The following PPARGC1A variants were observed in gnomAD, a reference collection of about 807,000 sequenced individuals.
PPARGC1A encodes PPARG coactivator 1 alpha.
PPARGC1A carries 25 observed loss-of-function variants against 88.7 expected under a neutral mutation model. The ratio of observed to expected loss-of-function variants is 0.28; its 90% confidence interval spans 0.21 to 0.39. PPARGC1A has a LOEUF of 0.39. PPARGC1A is among the 10% of genes least tolerant of loss of function. PPARGC1A has a pLI of 1.00. For synonymous variants in PPARGC1A, 363 were observed against 355.6 expected (o/e 1.02, Z -0.24); for missense variants, 880 against 968.7 (o/e 0.91, Z 1.22).
the PPARGC1A span, among the ~76,000 whole-genome samples, chr4:24,248,517 T>C: frequency 1.3e-5 from 2 of 152,004 alleles, no homozygotes; most frequent in Non-Finnish European, 2.9e-5. Flanking sequence ...TCAGCAAGCT[T>C]TGTGCAAATT....
chr4:23,844,653 G>GAT (rs1463928599), intron 2 of PPARGC1A, among the ~76,000 whole-genome samples: 1 of 46,228 alleles, frequency 2.2e-5, no homozygotes, highest in African/African-American at 1.0e-4. Flanking sequence ...CATATTATAT[G>GAT]ATATATATCA....
At chr4:24,338,648 C>T in the PPARGC1A span, among the ~76,000 whole-genome samples, 158 of 152,234 alleles carry the variant, frequency 1.0e-3, no homozygotes, top group Non-Finnish European at 1.7e-3. Context: ...AAATTCCAAC[C>T]TCAACTATGC....
intron 7 of PPARGC1A, 138 bp from the exon 8 acceptor site, chr4:23,814,743 A>G: frequency 1.2e-6 from 1 of 834,896 alleles, no homozygotes; most frequent in Non-Finnish European, 1.8e-6. Flanking sequence ...AAGAAGAAGG[A>G]AACTAATTTC....
At chr4:23,851,800 A>G (rs1729344866) in intron 2 of PPARGC1A, among the ~76,000 whole-genome samples, 1 of 152,190 alleles carries the variant, frequency 6.6e-6, no homozygotes, top group Non-Finnish European at 1.5e-5. Context: ...CTCTCTCTTC[A>G]AACTTTTGCT....
upstream of PPARGC1A, among the ~76,000 whole-genome samples, chr4:23,908,336 T>C (rs1246212510): frequency 6.6e-6 from 1 of 152,226 alleles, no homozygotes; most frequent in Non-Finnish European, 1.5e-5. Flanking sequence ...AGAGCACTTA[T>C]ATGTACTGAA....
At chr4:24,382,233 T>C in the PPARGC1A span, among the ~76,000 whole-genome samples, 2 of 152,308 alleles carry the variant, frequency 1.3e-5, no homozygotes, top group East Asian at 3.9e-4. Flanking sequence ...ACTAATTGCA[T>C]GAAACAAAGC....
the PPARGC1A span, among the ~76,000 whole-genome samples, chr4:24,176,607 T>C: frequency 3.3e-5 from 5 of 152,060 alleles, no homozygotes; most frequent in Admixed American, 2.0e-4. Flanking sequence ...AGCCCTGGAG[T>C]GTGAAGAGCC....
At chr4:24,304,751 A>G in the PPARGC1A span, among the ~76,000 whole-genome samples, 2 of 152,300 alleles carry the variant, frequency 1.3e-5, no homozygotes, top group African/African-American at 4.8e-5. Flanking sequence ...ACAGGAGCAG[A>G]CTGAAACTAT....
chr4:24,413,941 C>T, the PPARGC1A span, among the ~76,000 whole-genome samples: 36 of 152,224 alleles, frequency 2.4e-4, no homozygotes, highest in African/African-American at 8.4e-4. Context: ...AGAAATACTA[C>T]CGGGATTTTG....
intron 1 of PPARGC1A, among the ~76,000 whole-genome samples, chr4:23,887,861 AG>A (rs1027663620): frequency 2.4e-4 from 37 of 152,094 alleles, no homozygotes; most frequent in African/African-American, 8.4e-4. Flanking sequence ...GGGTGGAGAG[AG>A]GGGCAGTAAA....
At chr4:24,212,952 C>T in the PPARGC1A span, among the ~76,000 whole-genome samples, 2 of 152,156 alleles carry the variant, frequency 1.3e-5, no homozygotes, top group African/African-American at 2.4e-5. Flanking sequence ...TCCAGGACAG[C>T]AGTGATTAGA....
At chr4:24,347,192 C>T in the PPARGC1A span, among the ~76,000 whole-genome samples, 31 of 152,020 alleles carry the variant, frequency 2.0e-4, no homozygotes, top group Admixed American at 1.6e-3. Context: ...ATCTTATGTT[C>T]TATTTTGGAG....
At chr4:23,903,397 T>TG (rs1425628659), upstream of PPARGC1A, among the ~76,000 whole-genome samples, 6 of 152,322 alleles carry the variant, frequency 3.9e-5, no homozygotes, top group East Asian at 1.2e-3. Flanking sequence ...TAAATGGAGA[T>TG]GCATGGCATT....
At chr4:24,315,650 C>A in the PPARGC1A span, among the ~76,000 whole-genome samples, 3 of 152,164 alleles carry the variant, frequency 2.0e-5, no homozygotes, top group Non-Finnish European at 4.4e-5. Context: ...TTAGCAATAT[C>A]TAGAGATCTT....
At chr4:24,001,307 C>T in the PPARGC1A span, among the ~76,000 whole-genome samples, 5 of 152,278 alleles carry the variant, frequency 3.3e-5, no homozygotes, top group African/African-American at 1.2e-4. Context: ...CAAGATGCAC[C>T]TTTATTTTTC....
At chr4:23,827,205 G>GA (rs1250547786) in intron 5 of PPARGC1A, among the ~76,000 whole-genome samples, 1 of 152,118 alleles carries the variant, frequency 6.6e-6, no homozygotes, top group East Asian at 1.9e-4. Flanking sequence ...ATCTACCAGG[G>GA]AAAACCTAAT....
chr4:23,835,268 T>G (rs2148572703), intron 2 of PPARGC1A, among the ~76,000 whole-genome samples: 1 of 152,306 alleles, frequency 6.6e-6, no homozygotes, highest in South Asian at 2.1e-4. Flanking sequence ...AAAGAACACT[T>G]AAATCAACCA....
the PPARGC1A span, among the ~76,000 whole-genome samples, chr4:23,912,105 G>C: frequency 6.6e-6 from 1 of 152,156 alleles, no homozygotes; most frequent in African/African-American, 2.4e-5. Flanking sequence ...TTTAGAAAAG[G>C]AGAGACAGAG....
At chr4:23,971,105 C>G in the PPARGC1A span, among the ~76,000 whole-genome samples, 1 of 152,088 alleles carries the variant, frequency 6.6e-6, no homozygotes, top group South Asian at 2.1e-4. Context: ...CAGGTTAATT[C>G]TGATTAATTA....
Sources: gnomAD v4.1 joint callset for allele counts (sites outside exome capture counted in the v4.1 genomes callset) on GRCh38, gnomAD v4.1.1 for gene constraint, MANE v1.5 for transcripts, NCBI Gene and HGNC (gene_info 2026-07-23, HGNC 2026-07-21) for gene names.